CBLB: variants seen among roughly 807,000 people sequenced by gnomAD.
CBLB encodes E3 ubiquitin-protein ligase CBL-B.
In CBLB, 31 loss-of-function variants were observed where a neutral mutation model predicts 104.9. The ratio of observed to expected loss-of-function variants is 0.30; its 90% CI spans 0.22 to 0.40. The LOEUF (loss-of-function observed/expected upper bound fraction) is 0.40, where lower values mean the gene tolerates loss of function less well. CBLB is among the 10% of genes least tolerant of loss of function. The pLI is 1.00. For missense variants in CBLB, 1,062 were observed against 1,214.6 expected (o/e 0.87, Z 1.87); for synonymous variants, 440 against 422.6 (o/e 1.04, Z -0.51).
chr3:105,720,284 T>C (rs1159101316), intron 9 of CBLB, 34 bp from the exon 10 acceptor site: 3 of 1,565,472 alleles, frequency 1.9e-6, no homozygotes, highest in Non-Finnish European at 2.6e-6. Flanking sequence ...ATTGGTTTTG[T>C]TCAAAATAAA....
At chr3:105,821,882 T>C (rs1166238393) in intron 3 of CBLB, among the ~76,000 whole-genome samples, 1 of 152,168 alleles carries the variant, frequency 6.6e-6, no homozygotes, top group Non-Finnish European at 1.5e-5. Flanking sequence ...ATAGTTCAAA[T>C]ATAAATGAAC....
intron 2 of CBLB, among the ~76,000 whole-genome samples, chr3:105,854,909 GT>G (rs778515027): frequency 3.3e-5 from 5 of 152,134 alleles, no homozygotes; most frequent in African/African-American, 7.2e-5. Flanking sequence ...GGGATTACAG[GT>G]GTGCGCCACC....
At chr3:105,696,624 GCTCA>G (rs768338481) in intron 12 of CBLB, among the ~76,000 whole-genome samples, 29 of 151,762 alleles carry the variant, frequency 1.9e-4, no homozygotes, top group Admixed American at 3.3e-4. Flanking sequence ...TGCATTCTTA[GCTCA>G]CTGTCTGAAA....
chr3:105,673,470 A>G (rs902828244), intron 17 of CBLB: 1 of 152,226 alleles, frequency 6.6e-6, no homozygotes, highest in African/African-American at 2.4e-5. Context: ...AATTAAAACA[A>G]TGGCAAATTT....
intron 4 of CBLB, among the ~76,000 whole-genome samples, chr3:105,770,076 ATT>A (rs1298659028): frequency 5.2e-4 from 79 of 150,620 alleles, no homozygotes; most frequent in African/African-American, 1.6e-3. Context: ...CTCAATGCTA[ATT>A]TTTGTTTTTT....
intron 4 of CBLB, among the ~76,000 whole-genome samples, chr3:105,765,988 C>A (rs2078177309): frequency 6.6e-6 from 1 of 152,144 alleles, no homozygotes; most frequent in Non-Finnish European, 1.5e-5. Flanking sequence ...GGAAAGGATT[C>A]ACCTTTCTAA....
intron 3 of CBLB, among the ~76,000 whole-genome samples, chr3:105,807,930 G>A (rs1033758662): frequency 6.6e-6 from 1 of 152,168 alleles, no homozygotes; most frequent in Non-Finnish European, 1.5e-5. Context: ...CCCTTGATGC[G>A]TCAGTGAGTG....
chr3:105,739,471 C>T (rs2075302453), intron 7 of CBLB, among the ~76,000 whole-genome samples: 1 of 151,890 alleles, frequency 6.6e-6, no homozygotes, highest in Admixed American at 6.6e-5. Context: ...ACTGAGAATA[C>T]AAGGAGAGGA....
intron 13 of CBLB, among the ~76,000 whole-genome samples, chr3:105,687,887 T>C (rs376665475): frequency 1.3e-5 from 2 of 151,984 alleles, no homozygotes; most frequent in South Asian, 2.1e-4. Context: ...AGAAGTTGTA[T>C]ATAAAATAGC....
At chr3:105,808,200 C>T (rs1370746138) in intron 3 of CBLB, among the ~76,000 whole-genome samples, 1 of 152,126 alleles carries the variant, frequency 6.6e-6, no homozygotes, top group Non-Finnish European at 1.5e-5. Flanking sequence ...ACTTTCCAAC[C>T]TTCTACAAAG....
intron 3 of CBLB, among the ~76,000 whole-genome samples, chr3:105,780,912 G>A (rs181269305): frequency 6.6e-5 from 10 of 151,974 alleles, no homozygotes; most frequent in East Asian, 1.9e-4. Context: ...TGCCCGCCTC[G>A]GCCTCCCAAA....
chr3:105,772,759 G>GA (rs1254651594), intron 4 of CBLB, among the ~76,000 whole-genome samples: 1 of 152,092 alleles, frequency 6.6e-6, no homozygotes, highest in Non-Finnish European at 1.5e-5. Context: ...ACAAACATAT[G>GA]AAAAAATGCT....
At chr3:105,728,475 C>T (rs1016488368) in intron 9 of CBLB, among the ~76,000 whole-genome samples, 1 of 152,122 alleles carries the variant, frequency 6.6e-6, no homozygotes, top group Admixed American at 6.5e-5. Flanking sequence ...GAAATAAGCA[C>T]AGAATGAAAA....
intron 11 of CBLB, among the ~76,000 whole-genome samples, chr3:105,703,304 A>G (rs1576464906): frequency 6.6e-6 from 1 of 152,204 alleles, no homozygotes; most frequent in African/African-American, 2.4e-5. Flanking sequence ...AGGAAAATCA[A>G]ACACTACTAA....
At chr3:105,729,370 C>CTAAA (rs548284816) in intron 9 of CBLB, among the ~76,000 whole-genome samples, 53 of 152,020 alleles carry the variant, frequency 3.5e-4, no homozygotes, top group African/African-American at 1.0e-3. Context: ...AGAATGTTTC[C>CTAAA]TAAATAAATA....
chr3:105,776,949 G>A (rs1300736108), intron 3 of CBLB, among the ~76,000 whole-genome samples: 1 of 152,104 alleles, frequency 6.6e-6, no homozygotes, highest in Non-Finnish European at 1.5e-5. Flanking sequence ...AATCTAGGAA[G>A]AAAACTCATT....
intron 18 of CBLB, among the ~76,000 whole-genome samples, chr3:105,659,971 A>C (rs952485429): frequency 6.6e-6 from 1 of 152,202 alleles, no homozygotes; most frequent in Non-Finnish European, 1.5e-5. Context: ...TATTAGGAGT[A>C]GAGAATTGGG....
At chr3:105,682,138 T>A (rs922663529) in intron 14 of CBLB, 11 of 264,802 alleles carry the variant, frequency 4.2e-5, no homozygotes, top group Non-Finnish European at 6.5e-5. Flanking sequence ...CTGGTCAAGT[T>A]TTTGAAGTAA....
chr3:105,752,294 A>G (rs1331131980), intron 4 of CBLB, among the ~76,000 whole-genome samples: 1 of 152,226 alleles, frequency 6.6e-6, no homozygotes, highest in Non-Finnish European at 1.5e-5. Context: ...ATGCAGTTAC[A>G]TGATTCAAAA....
Sources: gnomAD v4.1 joint callset for allele counts (sites outside exome capture counted in the v4.1 genomes callset) on GRCh38, gnomAD v4.1.1 for gene constraint, MANE v1.5 for transcripts, NCBI Gene and HGNC (gene_info 2026-07-23, HGNC 2026-07-21) for gene names.